MYO7A: variants seen among roughly 807,000 people sequenced by gnomAD.
MYO7A encodes the protein unconventional myosin-VIIa.
MYO7A carries 210 observed loss-of-function variants against 263.8 expected under a neutral mutation model. The observed-to-expected ratio is 0.80, with a 90% confidence interval of 0.71 to 0.89. The LOEUF is 0.89. Among genes scored for constraint, MYO7A ranks in the 40% least tolerant of loss-of-function variants. MYO7A has a pLI of 0.00. For synonymous variants in MYO7A, 1,239 were observed against 1,197.3 expected, an observed-to-expected ratio of 1.03 and a Z score of -0.72; for missense variants, 2,820 against 2,968.3, an observed-to-expected ratio of 0.95 and a Z score of 1.16.
chr11:77,191,632 T>G (rs1389247500), intron 30 of MYO7A, among the ~76,000 whole-genome samples: 5 of 152,224 alleles, frequency 3.3e-5, no homozygotes, highest in Non-Finnish European at 7.3e-5. Context: ...CCTCCTCGGC[T>G]GAGCGGGACC....
At chr11:77,136,939 G>A (rs782100888) in intron 2 of MYO7A, among the ~76,000 whole-genome samples, 4 of 152,134 alleles carry the variant, frequency 2.6e-5, no homozygotes, top group Non-Finnish European at 5.9e-5. Flanking sequence ...ACCAGGCTGG[G>A]AGCTCTGAGG....
chr11:77,157,362 C>A lies in MYO7A; in HGVS notation c.819C>A (p.Gly273=), dbSNP rs1555064186. The change falls in exon 8 of 49, where the codon GGC becomes GGA. Residue 273 remains glycine, a synonymous_variant. Coordinates refer to ENST00000409709, the MANE Select transcript of MYO7A (RefSeq NM_000260.4). ...ATCAGAAGAAGAAGCTGGGCTTGGG[C>A]CAGGCCTCTGACTACAACTACTTGG... ...SEDQKKKLGL[G]QASDYNYLAM... is the part of the protein sequence containing the mutation. 2 of 1,610,572 alleles carry A rather than the reference C, an allele frequency of 1.2e-6. No individual in the cohort carries two copies. The highest frequency in any genetic ancestry group is 2.2e-5 in the East Asian group (1 of 44,802).
intron 46 of MYO7A, chr11:77,212,204 C>T (rs1450624413): frequency 5.1e-6 from 3 of 588,138 alleles, no homozygotes; most frequent in South Asian, 1.5e-5. Flanking sequence ...TGTGTTCTGA[C>T]ACTGGGGAGC....
At chr11:77,171,844 A>G (rs1361770615) in intron 15 of MYO7A, among the ~76,000 whole-genome samples, 3 of 152,208 alleles carry the variant, frequency 2.0e-5, no homozygotes, top group African/African-American at 7.2e-5. Flanking sequence ...TTTGCGGCTC[A>G]GGGCTTCCCC....
intron 39 of MYO7A, among the ~76,000 whole-genome samples, chr11:77,205,161 G>A (rs1957357130): frequency 6.6e-6 from 1 of 152,252 alleles, no homozygotes; most frequent in Non-Finnish European, 1.5e-5. Context: ...GAAGCAGAGT[G>A]CATGGTAACC....
At chr11:77,151,206 C>A (rs1951934581) in intron 4 of MYO7A, among the ~76,000 whole-genome samples, 1 of 152,232 alleles carries the variant, frequency 6.6e-6, no homozygotes, top group Admixed American at 6.5e-5. Flanking sequence ...AGGACTGTCC[C>A]CGCATTGTGT....
In MYO7A at chr11:77,181,965, G is replaced by A. The variant is rs1555084786; in HGVS notation, c.2919G>A (p.Gly973=). The A allele has an allele frequency of 1.2e-6, 2 of 1,613,156 alleles. No homozygotes were observed. Among genetic ancestry groups the A allele is most frequent in the South Asian group, 2.2e-5 (2 of 91,056 alleles). Reference sequence around the variant, plus strand: ...GTCTCCTTCAGGACCTGGAGCGAGGGCGGAGGGAGATGGTGGAGGAGGACC... The same window carrying A: ...GTCTCCTTCAGGACCTGGAGCGAGGACGGAGGGAGATGGTGGAGGAGGACC... ...APSGFEDLER[G]RREMVEEDLD... is the part of the protein sequence containing the mutation. Residue 973 remains glycine (G), a synonymous_variant, in exon 24 of 49, where the codon GGG becomes GGA. Coordinates refer to ENST00000409709, the MANE Select transcript of MYO7A (RefSeq NM_000260.4).
intron 5 of MYO7A, 95 bp from the exon 6 acceptor site, chr11:77,156,565 G>A (rs1952473115): frequency 1.9e-6 from 3 of 1,548,424 alleles, no homozygotes; most frequent in Non-Finnish European, 2.7e-6. Flanking sequence ...TATTACAGAT[G>A]GGGGAGCTGG....
chr11:77,132,741 C>T (rs1950802378), intron 2 of MYO7A, among the ~76,000 whole-genome samples: 1 of 152,216 alleles, frequency 6.6e-6, no homozygotes, highest in Admixed American at 6.5e-5. Context: ...CCCACCTCGG[C>T]CTCCCAAAGT....
chr11:77,201,340 A>T (rs1957048125), intron 35 of MYO7A, 108 bp from the exon 36 acceptor site: 10 of 1,092,152 alleles, frequency 9.2e-6, no homozygotes, highest in Non-Finnish European at 1.3e-5. Context: ...GTGGAGGCAG[A>T]GTGGCAAGTG....
At chr11:77,181,333 G>T (rs780099723) in intron 22 of MYO7A, 47 bp from the exon 23 acceptor site, 149 of 1,500,098 alleles carry the variant, frequency 9.9e-5, no homozygotes, top group Non-Finnish European at 1.2e-4. Flanking sequence ...TGAGGCTGTG[G>T]CACCGGGGGC....
chr11:77,181,407 G>A lies in MYO7A; in HGVS notation c.2722G>A (p.Asp908Asn). Residue 908 changes from aspartate (D) to asparagine (N), a missense_variant, in exon 23 of 49, where the codon GAC becomes AAC. Coordinates refer to ENST00000409709, the MANE Select transcript of MYO7A (RefSeq NM_000260.4). Reference protein sequence around the residue: ...QERLAQLAREDAERELKEKEA... With the variant: ...QERLAQLARENAERELKEKEA... Reference sequence around the variant, plus strand: ...GCGCCTGGCCCAGCTGGCTCGTGAGGACGCTGAGCGGGAGCTGAAGGAGAA... The same window carrying A: ...GCGCCTGGCCCAGCTGGCTCGTGAGAACGCTGAGCGGGAGCTGAAGGAGAA... 6.3e-7 allele frequency: 1 copy of A among 1,580,012 alleles called. No homozygotes were observed. The highest frequency in any genetic ancestry group is 8.6e-7 in the Non-Finnish European group (1 of 1,163,766).
chr11:77,162,337 C>T lies in MYO7A; in HGVS notation c.1554+7C>T, dbSNP rs150114658. ...GGAGAGCAAGTTCCCCAAGGTGGGC[C>T]GGTCCTGCTGCCGCCTCCCAGGGTC... On this transcript the variant is annotated splice_region_variant and intron_variant, in intron 13 of 48. Transcript: ENST00000409709. The T allele has an allele frequency of 1.8e-4, 273 of 1,551,128 alleles. No homozygotes were observed. In the African/African-American group the frequency reaches 2.8e-3, roughly 16 times the overall value.
At chr11:77,137,767 G>A (rs1950963905) in intron 2 of MYO7A, among the ~76,000 whole-genome samples, 1 of 152,054 alleles carries the variant, frequency 6.6e-6, no homozygotes, top group East Asian at 1.9e-4. Context: ...GGATGGACGT[G>A]GGCTGCTATT....
At position 77,211,350 on chromosome 11, in the gene MYO7A, T is replaced by C. The variant is rs1198478434; in HGVS notation, c.6237+13T>C. ...TGACTGGAAGCGGGTGAGCATGGGG[T>C]GGGCATCGGGAATGGTGGGGCCCTG... On this transcript the variant is annotated intron_variant, in intron 45 of 48. Transcript: ENST00000409709. The C allele has an allele frequency of 3.8e-6, 6 of 1,567,584 alleles. No homozygotes were observed. The highest frequency in any genetic ancestry group is 5.2e-6 in the Non-Finnish European group (6 of 1,156,072).
chr11:77,177,765 A>G lies in MYO7A; in HGVS notation c.2282+122A>G, dbSNP rs1367296982. 4.2e-6 allele frequency: 3 copies of G among 718,224 alleles called. No homozygotes were observed. The African/African-American group carries it at 5.2e-5, about 12-fold the overall frequency. 44.5% of individuals were successfully genotyped at this position (718,224 alleles called of 1,614,324 possible). On this transcript the variant is annotated intron_variant, in intron 19 of 48. Transcript: ENST00000409709. Reference sequence around the variant, plus strand: ...AAAAAACGTGTTCACCTATGAAACAAGTGCACACATGCATGGCATGCACAC... The same window carrying G: ...AAAAAACGTGTTCACCTATGAAACAGGTGCACACATGCATGGCATGCACAC...
chr11:77,211,022 C>T, intron 44 of MYO7A, 130 bp from the exon 45 acceptor site: 1 of 804,126 alleles, frequency 1.2e-6, no homozygotes. Context: ...TCAGCTGAGG[C>T]TGGAGAGGTG....
intron 32 of MYO7A, among the ~76,000 whole-genome samples, chr11:77,195,743 G>T (rs1358647609): frequency 1.3e-5 from 2 of 152,216 alleles, no homozygotes; most frequent in African/African-American, 2.4e-5. Context: ...AGAATGGACA[G>T]TTGTGAATCA....
chr11:77,132,483 G>A (rs1211153086), intron 2 of MYO7A, among the ~76,000 whole-genome samples: 1 of 152,020 alleles, frequency 6.6e-6, no homozygotes, highest in Non-Finnish European at 1.5e-5. Context: ...TTGTTTGTTT[G>A]TTTGTTTGTG....
Sources: gnomAD v4.1 joint callset for allele counts (sites outside exome capture counted in the v4.1 genomes callset) on GRCh38, gnomAD v4.1.1 for gene constraint, MANE v1.5 for transcripts, NCBI Gene and HGNC (gene_info 2026-07-23, HGNC 2026-07-21) for gene names.